SGCG: variants seen among roughly 807,000 people sequenced by gnomAD.
The protein encoded by SGCG is sarcoglycan gamma.
Under a neutral mutation model 29.3 loss-of-function variants are expected in SGCG, and 26 were observed. The observed-to-expected ratio is 0.89, with a 90% CI of 0.65 to 1.23. The LOEUF (loss-of-function observed/expected upper bound fraction) is 1.23. SGCG is among the 50% of genes most tolerant of loss of function. The probability of loss-of-function intolerance (pLI) is 0.00; values close to 1 mark genes in which losing one functional copy is unlikely to be tolerated. For missense variants in SGCG, 353 were observed against 356.0 expected (o/e 0.99, Z 0.07); for synonymous variants, 145 against 129.7 (o/e 1.12, Z -0.80).
chr13:23,254,534 T>A (rs1389725332), intron 4 of SGCG, among the ~76,000 whole-genome samples: 3 of 152,146 alleles, frequency 2.0e-5, no homozygotes, highest in South Asian at 4.1e-4. Flanking sequence ...GAATTTATAT[T>A]TAAAAGGGAA....
At chr13:23,248,566 C>T (rs938804969) in intron 3 of SGCG, among the ~76,000 whole-genome samples, 2 of 150,950 alleles carry the variant, frequency 1.3e-5, no homozygotes, top group South Asian at 2.1e-4. Flanking sequence ...TGGCAGCAGG[C>T]GCCTGTAGTC....
At chr13:23,301,958 A>C (rs1053333624) in intron 6 of SGCG, among the ~76,000 whole-genome samples, 5 of 152,158 alleles carry the variant, frequency 3.3e-5, no homozygotes, top group Non-Finnish European at 7.3e-5. Flanking sequence ...AATATTTACC[A>C]AGTCAGTTTA....
chr13:23,191,331 G>A (rs1338287846), intron 1 of SGCG, among the ~76,000 whole-genome samples: 1 of 152,146 alleles, frequency 6.6e-6, no homozygotes, highest in Admixed American at 6.5e-5. Context: ...TAGAGTTGAA[G>A]GAGGGAATGC....
intron 4 of SGCG, among the ~76,000 whole-genome samples, chr13:23,271,311 T>C (rs1880868786): frequency 6.6e-6 from 1 of 152,182 alleles, no homozygotes; most frequent in South Asian, 2.1e-4. Context: ...TTTATCCCAC[T>C]AGTCCAGTGG....
chr13:23,212,061 G>GCTC (rs1178604040), intron 2 of SGCG, among the ~76,000 whole-genome samples: 1 of 151,990 alleles, frequency 6.6e-6, no homozygotes, highest in East Asian at 1.9e-4. Context: ...TCTCTCTCTT[G>GCTC]CTCCTGCTCC....
Position 23,320,684 on chromosome 13 carries a change from T to C in SGCG, c.626T>C (p.Val209Ala). 1 of 1,607,260 alleles carries C rather than the reference T, an allele frequency of 6.2e-7. No individual in the cohort carries two copies. The highest frequency in any genetic ancestry group is 1.3e-5 in the African/African-American group (1 of 74,198). ...RSLSMDAPRG[V>A]HIQAHAGKIE... ...CTAAGCATGGATGCCCCAAGGGGTG[T>C]GCATATTCAAGCTCACGCTGGGAAA... The change falls in exon 7 of 8, where the codon GTG becomes GCG. Residue 209 changes from valine to alanine, a missense_variant. Transcript: ENST00000218867.
At chr13:23,217,034 G>GTGTTCAT (rs1047794537) in intron 2 of SGCG, among the ~76,000 whole-genome samples, 15 of 133,442 alleles carry the variant, frequency 1.1e-4, no homozygotes, top group African/African-American at 3.9e-4. Flanking sequence ...CCTTTGTGTG[G>GTGTTCAT]TGTGTTAGAA....
At chr13:23,303,036 GT>G (rs1269664205) in intron 6 of SGCG, among the ~76,000 whole-genome samples, 1 of 152,208 alleles carries the variant, frequency 6.6e-6, no homozygotes, top group African/African-American at 2.4e-5. Context: ...ATTAGAAACT[GT>G]GTAACTTGCC....
At chr13:23,180,595 T>C (rs1876694784), upstream of SGCG, among the ~76,000 whole-genome samples, 1 of 152,234 alleles carries the variant, frequency 6.6e-6, no homozygotes, top group Admixed American at 6.5e-5. Context: ...AAGAGATTTT[T>C]CGTAAAATTT....
intron 4 of SGCG, 80 bp from the exon 5 acceptor site, chr13:23,279,278 GT>G (rs1219828343): frequency 1.5e-6 from 2 of 1,317,212 alleles, no homozygotes; most frequent in African/African-American, 2.9e-5. Context: ...GTATTGTAGG[GT>G]TGACGTGGCA....
chr13:23,307,278 C>T (rs767223362), intron 6 of SGCG, among the ~76,000 whole-genome samples: 18 of 152,288 alleles, frequency 1.2e-4, no homozygotes, highest in Non-Finnish European at 1.8e-4. Context: ...ATCTGAGTGA[C>T]ATTAGTTACT....
At chr13:23,275,751 A>G (rs1328815723) in intron 4 of SGCG, among the ~76,000 whole-genome samples, 3 of 152,226 alleles carry the variant, frequency 2.0e-5, no homozygotes, top group Admixed American at 6.5e-5. Flanking sequence ...TTTTGCCACA[A>G]AAGTAGTAGA....
In SGCG at chr13:23,242,761, A is replaced by G. The variant is rs374513928; in HGVS notation, c.298-7869A>G. Among the ~76,000 whole-genome samples the G allele has an allele frequency of 3.3e-4, 51 of 152,266 alleles. 1 individual carries two copies. Among genetic ancestry groups the G allele is most frequent in the African/African-American group, 1.2e-3 (49 of 41,568 alleles). On this transcript the variant is annotated intron_variant, in intron 3 of 7. Transcript: ENST00000218867. ...AATACTGTGAATGTACCTAATGTCA[A>G]TCTACTATACACTTAAAAATGGTTG...
At chr13:23,240,641 A>T (rs1393718024) in intron 3 of SGCG, among the ~76,000 whole-genome samples, 1 of 152,224 alleles carries the variant, frequency 6.6e-6, no homozygotes, top group Non-Finnish European at 1.5e-5. Context: ...TGGGTTTAAT[A>T]AGACAACTAT....
chr13:23,227,043 G>T lies in SGCG; in HGVS notation c.196-7568G>T, dbSNP rs144169115. Reference sequence around the variant, plus strand: ...CTGCTTGTCTTATTTTTAGAATAATGTAGAAAAAGAAAATGGAGGCTCTTT... The same window carrying T: ...CTGCTTGTCTTATTTTTAGAATAATTTAGAAAAAGAAAATGGAGGCTCTTT... On this transcript the variant is annotated intron_variant, in intron 2 of 7. Coordinates refer to ENST00000218867, the MANE Select transcript of SGCG (RefSeq NM_000231.3). 3.3e-3 allele frequency among the ~76,000 whole-genome samples: 498 copies of T among 152,154 alleles called. 3 individuals are homozygous for T. The highest frequency in any genetic ancestry group is 0.011 in the African/African-American group (468 of 41,510).
chr13:23,204,619 TTTCTTTCC>T (rs1877909796), intron 2 of SGCG, among the ~76,000 whole-genome samples: 1 of 149,732 alleles, frequency 6.7e-6, no homozygotes, highest in African/African-American at 2.5e-5. Context: ...CTTTCTTTTC[TTTCTTTCC>T]TTTCTTTCCT....
chr13:23,214,880 A>G (rs1466571535), intron 2 of SGCG, among the ~76,000 whole-genome samples: 1 of 152,226 alleles, frequency 6.6e-6, no homozygotes, highest in East Asian at 1.9e-4. Flanking sequence ...TTAGAAGACA[A>G]GATATTATTA....
At chr13:23,316,309 T>C (rs55934986) in intron 6 of SGCG, among the ~76,000 whole-genome samples, 28,944 of 152,186 alleles carry the variant, frequency 0.19, 3,342 homozygotes, top group Non-Finnish European at 0.25. Flanking sequence ...CCAAGACTAC[T>C]ATCTGTAGAC....
chr13:23,179,538 C>G (rs1469275059), upstream of SGCG, among the ~76,000 whole-genome samples: 1 of 152,214 alleles, frequency 6.6e-6, no homozygotes, highest in African/African-American at 2.4e-5. Context: ...GACATACACT[C>G]ATACAAAAAT....
Sources: allele counts gnomAD v4.1 joint callset (sites outside exome capture counted in the v4.1 genomes callset), GRCh38; gene constraint gnomAD v4.1.1; transcripts MANE v1.5; gene names NCBI Gene and HGNC (gene_info 2026-07-23, HGNC 2026-07-21).